UNC13C: variants seen among roughly 807,000 people sequenced by gnomAD.
The protein encoded by UNC13C is protein unc-13 homolog C.
A neutral mutation model predicts 245.4 loss-of-function variants in UNC13C; 174 were observed. That is an observed-to-expected ratio of 0.71 (90% CI 0.63 to 0.80). The LOEUF (loss-of-function observed/expected upper bound fraction) is 0.80. Among genes scored for constraint, UNC13C ranks in the 30% least tolerant of loss-of-function variants. The probability of loss-of-function intolerance (pLI) is 0.00; values close to 1 mark genes in which losing one functional copy is unlikely to be tolerated. For missense variants in UNC13C, 2,829 were observed against 2,602.9 expected (o/e 1.09, Z -1.89); for synonymous variants, 992 against 895.1 (o/e 1.11, Z -1.93).
In UNC13C at chr15:54,239,576, G is replaced by C. The variant is rs190506386; in HGVS notation, c.3228+1886G>C. 1.5e-3 allele frequency among the ~76,000 whole-genome samples: 228 copies of C among 152,174 alleles called. 1 individual carries two copies. The highest frequency in any genetic ancestry group is 5.3e-3 in the African/African-American group (220 of 41,526). On this transcript the variant is annotated intron_variant, in intron 7 of 32. Coordinates refer to ENST00000260323, the MANE Select transcript of UNC13C (RefSeq NM_001080534.3). ...CATGATCCTCTGGCCTCTGCCTTCT[G>C]GGTAGTTGAGGCTAAAGGCATATGC...
chr15:54,413,590 C>T (rs1858352), intron 18 of UNC13C, among the ~76,000 whole-genome samples: 3,843 of 152,112 alleles, frequency 0.025, 146 homozygotes, highest in Admixed American at 0.12. Context: ...AACTTAAATA[C>T]TTGATAAATG....
chr15:54,449,896 T>C (rs775518834), intron 19 of UNC13C, among the ~76,000 whole-genome samples: 39 of 152,170 alleles, frequency 2.6e-4, no homozygotes, highest in Non-Finnish European at 4.4e-4. Context: ...TTCCCCATCT[T>C]TGTGGTTTTA....
At chr15:54,598,328 C>G (rs1286122589) in intron 30 of UNC13C, among the ~76,000 whole-genome samples, 4 of 152,234 alleles carry the variant, frequency 2.6e-5, no homozygotes, top group Admixed American at 6.5e-5. Flanking sequence ...CTGCTGACCT[C>G]AGGCAATCTG....
chr15:53,940,084 T>C, the UNC13C span, among the ~76,000 whole-genome samples: 1 of 152,254 alleles, frequency 6.6e-6, no homozygotes, highest in East Asian at 1.9e-4. Context: ...GGATGGTTTG[T>C]AATTGGGGTT....
chr15:54,322,554 G>A (rs1479220336), intron 14 of UNC13C, among the ~76,000 whole-genome samples: 2 of 151,874 alleles, frequency 1.3e-5, no homozygotes, highest in Non-Finnish European at 2.9e-5. Context: ...GTAAAACATG[G>A]CATGTGTTTA....
At chr15:54,144,047 T>G (rs1180177603) in intron 4 of UNC13C, among the ~76,000 whole-genome samples, 1 of 152,184 alleles carries the variant, frequency 6.6e-6, no homozygotes, top group Non-Finnish European at 1.5e-5. Context: ...TAATGATATA[T>G]GTACATGAAC....
intron 13 of UNC13C, among the ~76,000 whole-genome samples, chr15:54,317,445 A>T (rs1282942236): frequency 2.0e-5 from 3 of 151,952 alleles, no homozygotes; most frequent in Non-Finnish European, 4.4e-5. Flanking sequence ...TATTTTTATC[A>T]TCAAGATATT....
At chr15:53,850,803 C>T in the UNC13C span, among the ~76,000 whole-genome samples, 4 of 151,238 alleles carry the variant, frequency 2.6e-5, no homozygotes, top group Middle Eastern at 3.4e-3. Context: ...ATAAGGACTT[C>T]GTTAGGCATG....
intron 2 of UNC13C, among the ~76,000 whole-genome samples, chr15:54,138,755 T>C (rs2031859963): frequency 6.6e-6 from 1 of 151,736 alleles, no homozygotes; most frequent in Non-Finnish European, 1.5e-5. Flanking sequence ...TGACTTAGAG[T>C]AGCCGAAATT....
chr15:54,538,217 A>G (rs1321201394), intron 26 of UNC13C, among the ~76,000 whole-genome samples: 1 of 151,460 alleles, frequency 6.6e-6, no homozygotes, highest in African/African-American at 2.4e-5. Flanking sequence ...AAGAAGACAT[A>G]CAAGCAGCTA....
At chr15:53,896,109 A>T in the UNC13C span, among the ~76,000 whole-genome samples, 2 of 152,020 alleles carry the variant, frequency 1.3e-5, no homozygotes, top group African/African-American at 4.8e-5. Context: ...TTAATTGCCA[A>T]TGTAGAGTTC....
intron 2 of UNC13C, among the ~76,000 whole-genome samples, chr15:54,058,205 A>T (rs1897631744): frequency 6.6e-6 from 1 of 152,198 alleles, no homozygotes; most frequent in Non-Finnish European, 1.5e-5. Context: ...CAAAACTGAT[A>T]GACAACTAGC....
intron 1 of UNC13C, among the ~76,000 whole-genome samples, chr15:54,012,067 C>T (rs149782001): frequency 3.9e-5 from 6 of 152,316 alleles, no homozygotes; most frequent in African/African-American, 1.4e-4. Context: ...AGGCCCTGTG[C>T]TGGCAAACCA....
intron 2 of UNC13C, among the ~76,000 whole-genome samples, chr15:54,090,249 T>C (rs1457766994): frequency 6.6e-6 from 1 of 151,900 alleles, no homozygotes; most frequent in East Asian, 1.9e-4. Context: ...TTTTTTCAGG[T>C]ACTGTTTGAG....
the UNC13C span, among the ~76,000 whole-genome samples, chr15:53,858,631 G>T: frequency 2.6e-5 from 4 of 152,020 alleles, no homozygotes. Context: ...GTGTTGGTCA[G>T]GCTGGTCTCG....
chr15:54,042,761 G>A (rs973752175), intron 2 of UNC13C, among the ~76,000 whole-genome samples: 2 of 152,144 alleles, frequency 1.3e-5, no homozygotes, highest in East Asian at 1.9e-4. Flanking sequence ...GCTGAAGTAG[G>A]AGAATGGCGT....
the UNC13C span, among the ~76,000 whole-genome samples, chr15:53,849,391 C>T: frequency 6.6e-6 from 1 of 151,850 alleles, no homozygotes; most frequent in African/African-American, 2.4e-5. Context: ...GTAAGGTCTA[C>T]AATATAAAAC....
intron 2 of UNC13C, among the ~76,000 whole-genome samples, chr15:54,092,250 A>G (rs1430221355): frequency 1.3e-5 from 2 of 152,198 alleles, no homozygotes; most frequent in African/African-American, 2.4e-5. Flanking sequence ...TATGGAGTCA[A>G]GTATTTAACA....
At chr15:54,193,820 G>T (rs577754604) in intron 4 of UNC13C, among the ~76,000 whole-genome samples, 23 of 152,092 alleles carry the variant, frequency 1.5e-4, no homozygotes, top group Non-Finnish European at 2.5e-4. Context: ...TACAAATATG[G>T]ATTTGATTTA....
Sources: allele counts gnomAD v4.1 joint callset (sites outside exome capture counted in the v4.1 genomes callset), GRCh38; gene constraint gnomAD v4.1.1; transcripts MANE v1.5; gene names NCBI Gene and HGNC (gene_info 2026-07-23, HGNC 2026-07-21).